Variants in ADGRD1 observed in about 807,000 individuals in gnomAD.
ADGRD1 encodes adhesion G protein-coupled receptor D1.
A neutral mutation model predicts 113.4 loss-of-function variants in ADGRD1; 77 were observed. That is an observed-to-expected ratio of 0.68 (90% confidence interval 0.57 to 0.82). ADGRD1 has a LOEUF of 0.82. ADGRD1 is among the 40% of genes least tolerant of loss of function. ADGRD1 has a pLI of 0.00. For synonymous variants in ADGRD1, 474 were observed against 475.0 expected, an observed-to-expected ratio of 1.00 and a Z score of 0.03; for missense variants, 1,036 against 1,139.1, an observed-to-expected ratio of 0.91 and a Z score of 1.30.
chr12:131,129,411 G>T (rs1950848021), intron 20 of ADGRD1, among the ~76,000 whole-genome samples: 1 of 137,436 alleles, frequency 7.3e-6, no homozygotes, highest in Non-Finnish European at 1.6e-5. Flanking sequence ...TGCTGTCTGG[G>T]TGTGAGTGAC....
intron 16 of ADGRD1, among the ~76,000 whole-genome samples, chr12:131,105,536 C>T (rs542703093): frequency 1.3e-5 from 2 of 152,206 alleles, no homozygotes; most frequent in Non-Finnish European, 2.9e-5. Flanking sequence ...GAGCCATGGC[C>T]CAGGGTCAGA....
chr12:131,095,227 G>C (rs892291514), intron 15 of ADGRD1, among the ~76,000 whole-genome samples: 1 of 152,230 alleles, frequency 6.6e-6, no homozygotes, highest in African/African-American at 2.4e-5. Context: ...CCGGGACTCA[G>C]CTTTGCTGTC....
chr12:131,101,260 C>A (rs1950066990), intron 15 of ADGRD1, among the ~76,000 whole-genome samples: 1 of 151,844 alleles, frequency 6.6e-6, no homozygotes, highest in African/African-American at 2.4e-5. Context: ...TGGGGGGCTT[C>A]CCAGGGCAGT....
At chr12:130,979,173 A>G (rs1872671039) in intron 4 of ADGRD1, among the ~76,000 whole-genome samples, 1 of 152,134 alleles carries the variant, frequency 6.6e-6, no homozygotes, top group Non-Finnish European at 1.5e-5. Context: ...ATTACTGGGC[A>G]CTCGGGAAGG....
At chr12:131,131,325 C>T (rs1298165387) in intron 20 of ADGRD1, among the ~76,000 whole-genome samples, 1 of 152,234 alleles carries the variant, frequency 6.6e-6, no homozygotes, top group East Asian at 1.9e-4. Context: ...GGGCCTGGCA[C>T]ATTGAGCAGT....
Position 131,139,307 on chromosome 12 carries a change from C to A in ADGRD1, c.*44C>A, listed in dbSNP as rs751380443. 1.5e-6 allele frequency: 2 copies of A among 1,313,172 alleles called. No individual in the cohort carries two copies. The highest frequency in any genetic ancestry group is 1.8e-5 in the Admixed American group (1 of 55,286). The allele number at this position is 1,313,172 out of a possible 1,614,324, so 81.3% of individuals were successfully genotyped here. The stretch of plus-strand genomic sequence containing the variant: ...AGGCCAGGCTGCGCTCAGAACACAC[C>A]CCCCCAAACAGAATGAAATGCCCCA... On this transcript the variant is annotated 3_prime_UTR_variant, in exon 25 of 25. Transcript: ENST00000261654.
intron 20 of ADGRD1, among the ~76,000 whole-genome samples, chr12:131,123,825 CAAA>C (rs111915156): frequency 2.2e-5 from 2 of 90,486 alleles, no homozygotes. Context: ...GACTCCGTCT[CAAA>C]AAAAAAAAAA....
chr12:131,110,577 T>C (rs915425150), intron 18 of ADGRD1, among the ~76,000 whole-genome samples: 3 of 152,230 alleles, frequency 2.0e-5, no homozygotes, highest in South Asian at 2.1e-4. Context: ...TCTTTAATCT[T>C]GTATCTTTTA....
intron 15 of ADGRD1, among the ~76,000 whole-genome samples, chr12:131,089,346 C>A (rs10848279): frequency 0.18 from 27,778 of 152,212 alleles, 2,948 homozygotes; most frequent in Non-Finnish European, 0.24. Flanking sequence ...CTTCAGGGAA[C>A]GGGGAACGTC....
chr12:131,078,853 T>C (rs1445647950), intron 14 of ADGRD1, among the ~76,000 whole-genome samples: 3 of 152,214 alleles, frequency 2.0e-5, no homozygotes, highest in Non-Finnish European at 4.4e-5. Context: ...TTATTACTTA[T>C]TATTATATAA....
At chr12:131,002,098 G>C (rs890222349) in intron 9 of ADGRD1, among the ~76,000 whole-genome samples, 9 of 152,288 alleles carry the variant, frequency 5.9e-5, no homozygotes, top group Admixed American at 5.9e-4. Flanking sequence ...TGATTTCAAG[G>C]GGACTTTGTG....
At chr12:131,058,661 C>G (rs1338617039) in intron 13 of ADGRD1, among the ~76,000 whole-genome samples, 1 of 152,188 alleles carries the variant, frequency 6.6e-6, no homozygotes, top group Non-Finnish European at 1.5e-5. Flanking sequence ...GTGCACAGTT[C>G]ATTTCCTCCA....
At chr12:131,021,405 T>G (rs1879300794) in intron 13 of ADGRD1, among the ~76,000 whole-genome samples, 1 of 152,142 alleles carries the variant, frequency 6.6e-6, no homozygotes, top group Non-Finnish European at 1.5e-5. Flanking sequence ...GCCGGTGCTT[T>G]GTGGAGCATC....
At chr12:131,097,971 T>C (rs1015339587) in intron 15 of ADGRD1, among the ~76,000 whole-genome samples, 3 of 152,314 alleles carry the variant, frequency 2.0e-5, no homozygotes, top group Admixed American at 6.5e-5. Flanking sequence ...GCCTCCTGCC[T>C]GGGCTCCTGC....
intron 12 of ADGRD1, among the ~76,000 whole-genome samples, chr12:131,013,715 G>A (rs1878212125): frequency 6.6e-6 from 1 of 152,114 alleles, no homozygotes. Flanking sequence ...TACTGGGTGG[G>A]CAAAACAGCA....
chr12:131,140,255 A>C lies in ADGRD1; in HGVS notation c.*992A>C, dbSNP rs758520812. ...ACTCTACGAAGTTTCTAATGGGCAG[A>C]CCACGCGGCAGGTAGCACAGTGCGC... is the stretch of plus-strand genomic sequence containing the variant. On this transcript the variant is annotated 3_prime_UTR_variant, in exon 25 of 25. Transcript: ENST00000261654. The C allele has an allele frequency of 6.6e-6, 1 of 152,178 alleles. No homozygotes were observed. The allele number at this position is 152,178 out of a possible 1,614,324, so 9.4% of individuals were successfully genotyped here.
intron 20 of ADGRD1, among the ~76,000 whole-genome samples, chr12:131,122,151 G>A (rs1229152967): frequency 6.6e-6 from 1 of 152,188 alleles, no homozygotes; most frequent in East Asian, 1.9e-4. Flanking sequence ...TCAGGGCCCC[G>A]CAGTGAACTG....
At chr12:130,985,738 G>A (rs1350628421) in intron 5 of ADGRD1, among the ~76,000 whole-genome samples, 4 of 152,100 alleles carry the variant, frequency 2.6e-5, no homozygotes. Flanking sequence ...TTTTTGTGGA[G>A]ACGGGGTTTT....
At chr12:131,138,042 A>T in intron 23 of ADGRD1, 95 bp from the exon 24 acceptor site, 1 of 958,650 alleles carries the variant, frequency 1.0e-6, no homozygotes, top group South Asian at 1.3e-5. Flanking sequence ...CCTCCCTCGC[A>T]CATCTGGTTC....
Sources: gnomAD v4.1 joint callset for allele counts (sites outside exome capture counted in the v4.1 genomes callset) on GRCh38, gnomAD v4.1.1 for gene constraint, MANE v1.5 for transcripts, NCBI Gene and HGNC (gene_info 2026-07-23, HGNC 2026-07-21) for gene names.